Variants in KMT2E observed in about 807,000 individuals in gnomAD.
The protein encoded by KMT2E is histone reader KMT2E.
KMT2E carries 30 observed loss-of-function variants against 184.6 expected under a neutral mutation model. The ratio of observed to expected loss-of-function variants is 0.16; its 90% CI spans 0.12 to 0.22. The LOEUF is 0.22. Among genes scored for constraint, KMT2E ranks in the 10% least tolerant of loss-of-function variants. The pLI, the probability that KMT2E is intolerant of heterozygous loss-of-function variation, is 1.00. For synonymous variants in KMT2E, 815 were observed against 776.5 expected, an observed-to-expected ratio of 1.05 and a Z score of -0.82; for missense variants, 2,023 against 2,237.4, an observed-to-expected ratio of 0.90 and a Z score of 1.93.
At chr7:105,089,893 C>T in intron 13 of KMT2E, 116 bp from the exon 14 acceptor site, 1 of 1,434,868 alleles carries the variant, frequency 7.0e-7, no homozygotes, top group Non-Finnish European at 9.4e-7. Context: ...AAAAGGATTG[C>T]TTATAATTAA....
chr7:105,073,482 T>G, intron 6 of KMT2E, 137 bp from the exon 7 acceptor site: 1 of 574,558 alleles, frequency 1.7e-6, no homozygotes, highest in East Asian at 2.9e-5. Context: ...ATGTAAACTG[T>G]ATTGCAAGGG....
intron 8 of KMT2E, among the ~76,000 whole-genome samples, chr7:105,075,776 C>A (rs1240103546): frequency 6.6e-6 from 1 of 151,894 alleles, no homozygotes; most frequent in African/African-American, 2.4e-5. Context: ...GCCTCCAACT[C>A]CTGGGCTCCA....
chr7:105,060,601 T>A (rs929026677), intron 3 of KMT2E, among the ~76,000 whole-genome samples: 6 of 151,946 alleles, frequency 3.9e-5, no homozygotes, highest in African/African-American at 9.7e-5. Context: ...TAGTTTTTTT[T>A]TTTTATTTTT....
chr7:105,066,703 A>T, intron 5 of KMT2E, 24 bp from the exon 6 acceptor site: 4 of 1,521,154 alleles, frequency 2.6e-6, no homozygotes, highest in Non-Finnish European at 3.6e-6. Flanking sequence ...AATATTACAT[A>T]TGTTCTGCTT....
rs66734303 is a variant in KMT2E at position 105,079,511 on chromosome 7, C to CTTTTTTT, written c.1248+572_1248+578dup. ...CTTATAAGAGGAAATATTGGACTTC[C>CTTTTTTT]TTTTTTTTTTTTTTTTTTTTTTTTT... On this transcript the variant is annotated intron_variant, in intron 12 of 26. Transcript: ENST00000311117. Among the ~76,000 whole-genome samples the CTTTTTTT allele has an allele frequency of 4.9e-3, 307 of 62,334 alleles. 41 individuals are homozygous for CTTTTTTT. The highest frequency in any genetic ancestry group is 0.036 in the East Asian group (47 of 1,308). 40.9% of individuals were successfully genotyped at this position (62,334 alleles called of 152,430 possible).
intron 3 of KMT2E, among the ~76,000 whole-genome samples, chr7:105,055,510 G>A (rs548943311): frequency 1.3e-5 from 2 of 152,078 alleles, no homozygotes; most frequent in Admixed American, 6.5e-5. Context: ...TCTGTTCTTC[G>A]TAAACTTCAG....
intron 15 of KMT2E, among the ~76,000 whole-genome samples, chr7:105,099,191 T>C (rs1278643730): frequency 6.6e-6 from 1 of 152,222 alleles, no homozygotes; most frequent in East Asian, 1.9e-4. Flanking sequence ...GGTCTAAAGC[T>C]GTTAGGAAAT....
At position 105,077,255 on chromosome 7, in the gene KMT2E, C is replaced by A. The variant is rs1797569511; in HGVS notation, c.1000-48C>A. 6 of 1,601,768 alleles carry A rather than the reference C, an allele frequency of 3.7e-6. No homozygotes were observed. The African/African-American group carries it at 8.1e-5, about 22-fold the overall frequency. ...TTTATATTGTGAATTTTTAGTTAAACTGAAAACAAGCAAGTTTATTTAATC... is the reference window on the plus strand; with the variant it reads ...TTTATATTGTGAATTTTTAGTTAAAATGAAAACAAGCAAGTTTATTTAATC... On this transcript the variant is annotated intron_variant, in intron 10 of 26. Coordinates refer to ENST00000311117, the MANE Select transcript of KMT2E (RefSeq NM_182931.3).
intron 15 of KMT2E, among the ~76,000 whole-genome samples, chr7:105,096,833 A>G (rs781351319): frequency 1.3e-5 from 2 of 152,178 alleles, no homozygotes; most frequent in Non-Finnish European, 2.9e-5. Context: ...GATTCCCCAC[A>G]ATTTTCTCGG....
chr7:105,103,676 C>T (rs968711279), intron 17 of KMT2E: 1 of 151,628 alleles, frequency 6.6e-6, no homozygotes, highest in African/African-American at 2.4e-5. Context: ...CAGAGAGGGA[C>T]AGAAAAGATG....
chr7:105,066,821 A>G lies in KMT2E; in HGVS notation c.497+14A>G. ...TTGTCAGCCTAGGTAAGTTGCACAT[A>G]TCTGATAACATTGCCAGTAATTTTA... On this transcript the variant is annotated intron_variant, in intron 6 of 26. Coordinates refer to ENST00000311117, the MANE Select transcript of KMT2E (RefSeq NM_182931.3). 6.5e-7 allele frequency: 1 copy of G among 1,532,676 alleles called. No homozygotes were observed. Among genetic ancestry groups the G allele is most frequent in the Non-Finnish European group, 9.0e-7 (1 of 1,106,112 alleles). The allele number at this position is 1,532,676 out of a possible 1,614,324, so 94.9% of individuals were successfully genotyped here.
At chr7:105,017,690 G>A (rs578201363) in intron 1 of KMT2E, among the ~76,000 whole-genome samples, 2 of 152,126 alleles carry the variant, frequency 1.3e-5, no homozygotes, top group Non-Finnish European at 2.9e-5. Context: ...CTTTGTTCTA[G>A]GATAGCTGAG....
chr7:105,109,213 A>G lies in KMT2E; in HGVS notation c.3740A>G (p.Glu1247Gly). The change falls in exon 23 of 27, where the codon GAA becomes GGA. Residue 1247 changes from glutamate (E) to glycine (G), a missense_variant. By Grantham distance (98) the Glu-to-Gly change is moderately conservative. Transcript: ENST00000311117. ...GATGCTACTGCTAGTGAGAAGAATG[A>G]ACCAGAAGTTCAATGGTAAGCCCAT... The part of the protein sequence containing the change: ...VKDATASEKN[E>G]PEVQWTASTS... 1 of 1,613,846 alleles carries G rather than the reference A, an allele frequency of 6.2e-7. No homozygotes were observed. Among genetic ancestry groups the G allele is most frequent in the Non-Finnish European group, 8.5e-7 (1 of 1,179,860 alleles).
rs1314989266 is a variant in KMT2E at position 105,112,268 on chromosome 7, G to A, written c.4512G>A (p.Gln1504=). The change falls in exon 27 of 27, where the codon CAG becomes CAA. Residue 1504 remains glutamine (Q), a synonymous_variant. Coordinates refer to ENST00000311117, the MANE Select transcript of KMT2E (RefSeq NM_182931.3). ...AAAGAAACTTTTATCCAGCAGCACAGAACCTTCCAGCCAATACTCAGCAGG... is the reference window on the plus strand; with the variant it reads ...AAAGAAACTTTTATCCAGCAGCACAAAACCTTCCAGCCAATACTCAGCAGG... ...EPQRNFYPAA[Q]NLPANTQQAT... is the part of the protein sequence containing the mutation. The A allele has an allele frequency of 6.2e-7, 1 of 1,614,062 alleles. No individual in the cohort carries two copies. The highest frequency in any genetic ancestry group is 8.5e-7 in the Non-Finnish European group (1 of 1,180,016).
intron 6 of KMT2E, among the ~76,000 whole-genome samples, chr7:105,071,582 G>GTATATATATATATATATATA (rs1554392567): frequency 6.6e-4 from 23 of 34,924 alleles, no homozygotes; most frequent in Non-Finnish European, 1.1e-3. Context: ...ATGTGTGTGT[G>GTATATATATATATATATATA]TATATATATA....
chr7:105,052,259 G>A (rs1374887607), intron 3 of KMT2E, among the ~76,000 whole-genome samples: 2 of 152,002 alleles, frequency 1.3e-5, no homozygotes, highest in African/African-American at 2.4e-5. Context: ...CTTTGTACTC[G>A]TGATTTCCTC....
chr7:105,061,107 C>T lies in KMT2E; in HGVS notation c.72-1057C>T, dbSNP rs191236689. ...TCTTTTTGCTGATTCTGGCACACAG[C>T]GCTTACAACAGCAGCCACTGAGAGC... On this transcript the variant is annotated intron_variant, in intron 3 of 26. Transcript: ENST00000311117. Among the ~76,000 whole-genome samples, 51 of 152,240 alleles carry T rather than the reference C, an allele frequency of 3.3e-4. 1 individual carries two copies. The highest frequency in any genetic ancestry group is 1.1e-3 in the African/African-American group (46 of 41,556).
chr7:105,102,291 A>G (rs1232964203), intron 17 of KMT2E, 97 bp downstream of exon 17: 5 of 974,500 alleles, frequency 5.1e-6, no homozygotes, highest in South Asian at 1.8e-5. Flanking sequence ...CCTCATAATA[A>G]TAAGAGGCAG....
At chr7:105,105,792 G>T in intron 18 of KMT2E, 67 bp from the exon 19 acceptor site, 2 of 1,570,042 alleles carry the variant, frequency 1.3e-6, no homozygotes, top group South Asian at 2.4e-5. Context: ...AATCGGCTCT[G>T]TATTTACAGG....
Sources: allele counts gnomAD v4.1 joint callset (sites outside exome capture counted in the v4.1 genomes callset), GRCh38; gene constraint gnomAD v4.1.1; transcripts MANE v1.5; gene names NCBI Gene and HGNC (gene_info 2026-07-23, HGNC 2026-07-21).